Variants in LMNTD1 observed in about 807,000 individuals in gnomAD.
The protein encoded by LMNTD1 is lamin tail domain-containing protein 1.
LMNTD1 carries 35 observed loss-of-function variants against 50.9 expected under a neutral mutation model. The ratio of observed to expected loss-of-function variants is 0.69; its 90% CI spans 0.53 to 0.91. The LOEUF (loss-of-function observed/expected upper bound fraction) is 0.91. Ranked by LOEUF, LMNTD1 falls within the 40% of genes least tolerant of loss-of-function variation. LMNTD1 has a pLI of 0.00. For missense variants in LMNTD1, 470 were observed against 475.5 expected (o/e 0.99, Z 0.11); for synonymous variants, 153 against 161.9 (o/e 0.94, Z 0.42).
chr12:25,526,740 A>G (rs1941743582), intron 5 of LMNTD1, 29 bp downstream of exon 5: 2 of 1,461,532 alleles, frequency 1.4e-6, no homozygotes, highest in African/African-American at 1.4e-5. Context: ...TACAATTCTA[A>G]TGTACAGTAT....
chr12:25,626,738 G>C (rs1319154602), intron 1 of LMNTD1, among the ~76,000 whole-genome samples: 1 of 152,042 alleles, frequency 6.6e-6, no homozygotes, highest in African/African-American at 2.4e-5. Context: ...TTATTTCTGG[G>C]CTGGGGAGTT....
At chr12:25,613,093 G>A (rs772495182) in intron 1 of LMNTD1, among the ~76,000 whole-genome samples, 1 of 152,210 alleles carries the variant, frequency 6.6e-6, no homozygotes, top group Non-Finnish European at 1.5e-5. Context: ...TCTGGAGGAA[G>A]TGCAGCCCTG....
At chr12:25,571,508 C>T (rs1944794607) in intron 1 of LMNTD1, among the ~76,000 whole-genome samples, 1 of 151,584 alleles carries the variant, frequency 6.6e-6, no homozygotes, top group African/African-American at 2.4e-5. Flanking sequence ...GGACTACAGG[C>T]ACCCACTACC....
At chr12:25,520,469 T>A (rs573207970) in intron 6 of LMNTD1, among the ~76,000 whole-genome samples, 3 of 152,160 alleles carry the variant, frequency 2.0e-5, no homozygotes, top group East Asian at 1.9e-4. Context: ...ATAAGTGAGA[T>A]CATGCAACAT....
intron 6 of LMNTD1, among the ~76,000 whole-genome samples, chr12:25,525,140 T>G (rs908921642): frequency 6.6e-6 from 1 of 152,198 alleles, no homozygotes; most frequent in African/African-American, 2.4e-5. Flanking sequence ...GGATTCACTT[T>G]TTTGTTGTTG....
Position 25,591,125 on chromosome 12 carries a change from C to T in LMNTD1, c.59-44571G>A, listed in dbSNP as rs150885786. ...ACAGCACAAAGCAGGCTCTTGGGGTCCCAGATTTCAGGACATGGCTCTTGG... is the reference window on the plus strand; with the variant it reads ...ACAGCACAAAGCAGGCTCTTGGGGTTCCAGATTTCAGGACATGGCTCTTGG... On this transcript the variant is annotated intron_variant, in intron 1 of 7. Transcript: ENST00000445693. 9.2e-5 allele frequency among the ~76,000 whole-genome samples: 14 copies of T among 152,286 alleles called. No individual in the cohort carries two copies. In the East Asian group the frequency reaches 1.9e-3, roughly 21 times the overall value.
intron 1 of LMNTD1, among the ~76,000 whole-genome samples, chr12:25,565,430 A>T (rs1169845519): frequency 6.6e-6 from 1 of 152,200 alleles, no homozygotes; most frequent in Non-Finnish European, 1.5e-5. Flanking sequence ...ACAACTTAAC[A>T]TTGTGGTATA....
chr12:25,513,178 A>G (rs942629405), intron 8 of LMNTD1, among the ~76,000 whole-genome samples: 3 of 152,252 alleles, frequency 2.0e-5, no homozygotes, highest in Admixed American at 6.5e-5. Flanking sequence ...CTTTCAGCAC[A>G]TCTTCCACTA....
intron 9 of LMNTD1, among the ~76,000 whole-genome samples, chr12:25,493,539 C>A (rs1005830768): frequency 6.6e-6 from 1 of 152,210 alleles, no homozygotes; most frequent in Non-Finnish European, 1.5e-5. Context: ...AGGCCATAGT[C>A]TCTTCCTTTG....
chr12:25,572,548 A>G (rs1221992665), intron 1 of LMNTD1, among the ~76,000 whole-genome samples: 3 of 152,198 alleles, frequency 2.0e-5, no homozygotes, highest in South Asian at 4.1e-4. Flanking sequence ...AAAAAATCCA[A>G]ACTCACAACA....
intron 1 of LMNTD1, among the ~76,000 whole-genome samples, chr12:25,619,250 C>CTATA (rs1185194793): frequency 4.8e-4 from 38 of 79,398 alleles, no homozygotes; most frequent in African/African-American, 1.7e-3. Flanking sequence ...CTCTCTCTCT[C>CTATA]TCTATATATA....
chr12:25,618,893 T>C (rs1225956438), intron 1 of LMNTD1, among the ~76,000 whole-genome samples: 1 of 152,152 alleles, frequency 6.6e-6, no homozygotes, highest in Non-Finnish European at 1.5e-5. Context: ...TAAAACCTAA[T>C]AGCCATTCAC....
intron 1 of LMNTD1, among the ~76,000 whole-genome samples, chr12:25,594,585 C>A (rs11048120): frequency 2.0e-5 from 3 of 146,760 alleles, no homozygotes; most frequent in Admixed American, 1.4e-4. Context: ...GAAACAAATC[C>A]TGGGAACACA....
At chr12:25,485,234 T>G (rs1311811209) in intron 9 of LMNTD1, among the ~76,000 whole-genome samples, 2 of 147,112 alleles carry the variant, frequency 1.4e-5, no homozygotes, top group African/African-American at 2.5e-5. Flanking sequence ...GTGGTTTTGA[T>G]TTGCATTTCT....
intron 1 of LMNTD1, among the ~76,000 whole-genome samples, chr12:25,574,215 C>T (rs907062257): frequency 3.3e-5 from 5 of 152,160 alleles, no homozygotes; most frequent in African/African-American, 1.2e-4. Context: ...ATTCCATCTC[C>T]ATGACAACTC....
At chr12:25,574,618 T>C (rs1028221630) in intron 1 of LMNTD1, among the ~76,000 whole-genome samples, 1 of 152,182 alleles carries the variant, frequency 6.6e-6, no homozygotes, top group Admixed American at 6.5e-5. Flanking sequence ...AAATAATTCC[T>C]CTCTCCTGAA....
At chr12:25,509,634 A>G (rs1241791913) in intron 8 of LMNTD1, among the ~76,000 whole-genome samples, 1 of 152,228 alleles carries the variant, frequency 6.6e-6, no homozygotes, top group Non-Finnish European at 1.5e-5. Flanking sequence ...ACGTGCGAAC[A>G]TGACTTTATT....
chr12:25,622,176 T>C (rs1287269387), intron 1 of LMNTD1, among the ~76,000 whole-genome samples: 1 of 152,204 alleles, frequency 6.6e-6, no homozygotes, highest in African/African-American at 2.4e-5. Context: ...AGCTTGGGAT[T>C]GGAGGGGAGT....
intron 8 of LMNTD1, among the ~76,000 whole-genome samples, chr12:25,513,624 A>G (rs1940494131): frequency 6.6e-6 from 1 of 152,238 alleles, no homozygotes; most frequent in Admixed American, 6.5e-5. Context: ...TGAGAGAGTC[A>G]GACTCTGCTT....
Sources: allele counts gnomAD v4.1 joint callset (sites outside exome capture counted in the v4.1 genomes callset), GRCh38; gene constraint gnomAD v4.1.1; transcripts MANE v1.5; gene names NCBI Gene and HGNC (gene_info 2026-07-23, HGNC 2026-07-21).